TMC2: variants seen among roughly 807,000 people sequenced by gnomAD.
TMC2 encodes the protein transmembrane channel-like protein 2.
TMC2 carries 102 observed loss-of-function variants against 105.9 expected under a neutral mutation model. The observed-to-expected ratio is 0.96, with a 90% confidence interval of 0.82 to 1.14. The LOEUF (loss-of-function observed/expected upper bound fraction) is 1.14, where lower values mean the gene tolerates loss of function less well. Among genes scored for constraint, TMC2 ranks in the 50% most tolerant of loss-of-function variants. The pLI is 0.00. For missense variants in TMC2, 1,093 were observed against 1,134.3 expected, an observed-to-expected ratio of 0.96 and a Z score of 0.52; for synonymous variants, 402 against 422.8, an observed-to-expected ratio of 0.95 and a Z score of 0.60.
chr20:2,633,051 TAA>T (rs2086615907), intron 17 of TMC2, among the ~76,000 whole-genome samples: 1 of 152,278 alleles, frequency 6.6e-6, no homozygotes, highest in Non-Finnish European at 1.5e-5. Flanking sequence ...ACTAATTATG[TAA>T]AGTCTGTTTT....
intron 4 of TMC2, among the ~76,000 whole-genome samples, chr20:2,564,181 C>A (rs538478937): frequency 9.1e-6 from 1 of 109,310 alleles, no homozygotes; most frequent in African/African-American, 3.7e-5. Flanking sequence ...GATGGAGTAT[C>A]GCTCTGTCGC....
At chr20:2,545,034 CAAA>C (rs34794391) in intron 2 of TMC2, among the ~76,000 whole-genome samples, 1,789 of 98,378 alleles carry the variant, frequency 0.018, 34 homozygotes, top group African/African-American at 0.055. Flanking sequence ...CTGTCTCTAC[CAAA>C]AAAAAAAAAA....
intron 14 of TMC2, 187 bp downstream of exon 14, chr20:2,613,509 C>A: frequency 2.6e-6 from 2 of 757,852 alleles, no homozygotes; most frequent in Non-Finnish European, 4.3e-6. Context: ...ATAAGGGAAA[C>A]TGCTTTTTCC....
At chr20:2,564,897 C>A (rs929743469) in intron 4 of TMC2, among the ~76,000 whole-genome samples, 41 of 152,234 alleles carry the variant, frequency 2.7e-4, no homozygotes, top group Admixed American at 5.9e-4. Context: ...GCTCCTTATC[C>A]TGGACTCAGA....
chr20:2,619,963 C>T (rs1212677065), intron 16 of TMC2, among the ~76,000 whole-genome samples: 1 of 152,116 alleles, frequency 6.6e-6, no homozygotes, highest in African/African-American at 2.4e-5. Context: ...CCTGTAGTCC[C>T]AGCTACTTGG....
At chr20:2,632,024 C>CTT (rs771526409) in intron 17 of TMC2, among the ~76,000 whole-genome samples, 13 of 137,288 alleles carry the variant, frequency 9.5e-5, no homozygotes, top group African/African-American at 2.1e-4. Flanking sequence ...TTCATTGATT[C>CTT]TTTTTTTTTT....
chr20:2,636,501 C>CACACACACA, intron 18 of TMC2, among the ~76,000 whole-genome samples: 2 of 151,966 alleles, frequency 1.3e-5, no homozygotes, highest in Non-Finnish European at 2.9e-5. Context: ...CACGCACACA[C>CACACACACA]CCTAAAATTC....
intron 19 of TMC2, among the ~76,000 whole-genome samples, chr20:2,640,635 C>T (rs2086681395): frequency 2.6e-5 from 4 of 152,166 alleles, no homozygotes; most frequent in Admixed American, 6.5e-5. Context: ...CCACACTCAT[C>T]CACAAGGGAA....
At chr20:2,600,968 C>G (rs1488123539) in intron 10 of TMC2, among the ~76,000 whole-genome samples, 2 of 125,006 alleles carry the variant, frequency 1.6e-5, no homozygotes, top group Non-Finnish European at 3.1e-5. Context: ...GCCTAGGCGA[C>G]GCAGCAAGAC....
intron 2 of TMC2, among the ~76,000 whole-genome samples, chr20:2,554,008 C>G (rs745550529): frequency 6.6e-5 from 10 of 152,102 alleles, no homozygotes; most frequent in Non-Finnish European, 1.3e-4. Flanking sequence ...CCTCAGCCTC[C>G]CGAGTAGCTG....
At chr20:2,614,026 G>A (rs2086462697) in intron 14 of TMC2, 1 of 137,592 alleles carries the variant, frequency 7.3e-6, no homozygotes, top group South Asian at 2.5e-4. Context: ...CCCAGGTAAG[G>A]GCCCCAGTAC....
intron 12 of TMC2, 151 bp downstream of exon 12, chr20:2,610,749 T>C: frequency 2.5e-6 from 1 of 400,376 alleles, no homozygotes; most frequent in Non-Finnish European, 3.8e-6. Context: ...CCTTGGACTC[T>C]ATGACCCAAA....
chr20:2,571,987 C>T (rs773289058), intron 4 of TMC2, among the ~76,000 whole-genome samples, 192 bp from the exon 5 acceptor site: 1 of 152,188 alleles, frequency 6.6e-6, no homozygotes, highest in Admixed American at 6.5e-5. Flanking sequence ...TTATGTACCT[C>T]GCACTCTTCT....
chr20:2,577,886 C>A (rs1206042417), intron 5 of TMC2, among the ~76,000 whole-genome samples: 1 of 152,062 alleles, frequency 6.6e-6, no homozygotes, highest in African/African-American at 2.4e-5. Flanking sequence ...CAGAGTGAGA[C>A]CATGTCTGAA....
At chr20:2,613,141 G>T (rs2086453826) in intron 13 of TMC2, 53 bp from the exon 14 acceptor site, 1 of 1,579,682 alleles carries the variant, frequency 6.3e-7, no homozygotes, top group Admixed American at 1.7e-5. Context: ...CAGGGAGGGT[G>T]GGAGAAGTGG....
chr20:2,608,138 A>AG (rs373597703), intron 11 of TMC2, among the ~76,000 whole-genome samples: 7,323 of 148,074 alleles, frequency 0.049, 626 homozygotes, highest in African/African-American at 0.17. Context: ...AAAAAAAAAG[A>AG]AAAAAAGAAA....
chr20:2,553,737 C>A (rs933467232), intron 2 of TMC2, among the ~76,000 whole-genome samples: 22 of 152,222 alleles, frequency 1.4e-4, no homozygotes, highest in East Asian at 1.9e-4. Context: ...GAGACAATTT[C>A]TTTAATAAAT....
At chr20:2,604,752 A>G (rs545117282) in intron 11 of TMC2, among the ~76,000 whole-genome samples, 52 of 152,296 alleles carry the variant, frequency 3.4e-4, no homozygotes, top group Admixed American at 3.3e-3. Context: ...ACTAATGGCC[A>G]GTGATTTAAT....
In TMC2 at chr20:2,580,991, G is replaced by T. The variant is rs191507003; in HGVS notation, c.834+935G>T. Among the ~76,000 whole-genome samples, 192 of 152,268 alleles carry T rather than the reference G, an allele frequency of 1.3e-3. 5 individuals are homozygous for T. In the South Asian group the frequency reaches 0.021, roughly 17 times the overall value. ...ACTGAAATCCTTGATGCTGGTGCTG[G>T]GTACACAAGTGGGTCTACTTCAACA... On this transcript the variant is annotated intron_variant, in intron 7 of 19. Coordinates refer to ENST00000358864, the MANE Select transcript of TMC2 (RefSeq NM_080751.3).
Sources: gnomAD v4.1 joint callset for allele counts (sites outside exome capture counted in the v4.1 genomes callset) on GRCh38, gnomAD v4.1.1 for gene constraint, MANE v1.5 for transcripts, NCBI Gene and HGNC (gene_info 2026-07-23, HGNC 2026-07-21) for gene names.